The following CDH9 variants were observed in gnomAD, a reference collection of about 807,000 sequenced individuals.
CDH9 encodes cadherin 9.
A neutral mutation model predicts 70.9 loss-of-function variants in CDH9; 28 were observed. The observed-to-expected ratio is 0.40, with a 90% CI of 0.29 to 0.54. The LOEUF (loss-of-function observed/expected upper bound fraction) is 0.54. Ranked by LOEUF, CDH9 falls within the 20% of genes least tolerant of loss-of-function variation. The pLI is 0.59. For missense variants in CDH9, 874 were observed against 984.4 expected (o/e 0.89, Z 1.50); for synonymous variants, 409 against 343.1 (o/e 1.19, Z -2.12).
intron 3 of CDH9, among the ~76,000 whole-genome samples, chr5:26,910,013 T>C (rs1314769223): frequency 2.6e-5 from 4 of 152,104 alleles, no homozygotes; most frequent in African/African-American, 9.6e-5. Flanking sequence ...CCAGTTGGTC[T>C]TACATATATA....
intron 2 of CDH9, among the ~76,000 whole-genome samples, chr5:26,935,766 T>A (rs1334321109): frequency 6.6e-6 from 1 of 152,044 alleles, no homozygotes; most frequent in African/African-American, 2.4e-5. Context: ...ATCTAACCAA[T>A]GAAAAAGAAG....
intron 2 of CDH9, among the ~76,000 whole-genome samples, chr5:26,942,043 A>G (rs1310840077): frequency 6.6e-6 from 1 of 152,146 alleles, no homozygotes; most frequent in Non-Finnish European, 1.5e-5. Context: ...TTATAAAGAC[A>G]TACTCAGGAT....
chr5:26,945,144 T>C (rs1334683662), intron 2 of CDH9, among the ~76,000 whole-genome samples: 3 of 152,074 alleles, frequency 2.0e-5, no homozygotes, highest in Admixed American at 6.6e-5. Flanking sequence ...AGGAGTTGTA[T>C]AATTCTACTC....
At chr5:26,890,289 T>C (rs1740634595) in intron 8 of CDH9, 139 bp downstream of exon 8, 2 of 686,892 alleles carry the variant, frequency 2.9e-6, no homozygotes, top group African/African-American at 3.6e-5. Context: ...TTTAAAAATG[T>C]GTTGATATTC....
chr5:27,004,804 T>A (rs2112109373), intron 1 of CDH9, among the ~76,000 whole-genome samples: 1 of 152,226 alleles, frequency 6.6e-6, no homozygotes, highest in East Asian at 1.9e-4. Context: ...GCATTTAACA[T>A]CCAAGTGGAA....
intron 2 of CDH9, among the ~76,000 whole-genome samples, chr5:26,963,137 C>T (rs1050921197): frequency 2.6e-5 from 4 of 152,092 alleles, no homozygotes; most frequent in African/African-American, 4.8e-5. Context: ...TATTAAATCG[C>T]ATTAGAATTA....
chr5:26,910,697 C>A (rs1741036520), intron 3 of CDH9, among the ~76,000 whole-genome samples: 2 of 152,128 alleles, frequency 1.3e-5, no homozygotes, highest in African/African-American at 4.8e-5. Context: ...CTTTTGAGCA[C>A]TGTAGAAAAG....
intron 11 of CDH9, among the ~76,000 whole-genome samples, chr5:26,881,930 C>A (rs1740474703): frequency 6.6e-6 from 1 of 151,990 alleles, no homozygotes; most frequent in African/African-American, 2.4e-5. Flanking sequence ...GCAGTCTTTC[C>A]AAATGTGCAC....
chr5:26,907,962 G>A (rs79622909), intron 3 of CDH9, among the ~76,000 whole-genome samples: 4,136 of 152,068 alleles, frequency 0.027, 70 homozygotes, highest in African/African-American at 0.034. Flanking sequence ...CAAATGTTGC[G>A]TGTATATGTG....
At chr5:26,929,502 A>G (rs901729328) in intron 2 of CDH9, among the ~76,000 whole-genome samples, 18 of 152,170 alleles carry the variant, frequency 1.2e-4, no homozygotes, top group Non-Finnish European at 2.6e-4. Context: ...CATAGCCAAG[A>G]TAAAGGAAAA....
chr5:26,906,212 AT>A, intron 4 of CDH9, 86 bp from the exon 5 acceptor site: 1 of 1,063,800 alleles, frequency 9.4e-7, no homozygotes, highest in Non-Finnish European at 1.4e-6. Flanking sequence ...ACAAAAGTTG[AT>A]TATAACAAAC....
intron 1 of CDH9, among the ~76,000 whole-genome samples, chr5:26,995,555 AT>A (rs1742651422): frequency 6.6e-6 from 1 of 152,036 alleles, no homozygotes; most frequent in African/African-American, 2.4e-5. Flanking sequence ...TTTATTTTTC[AT>A]TTAGAGAACA....
chr5:26,974,545 T>C (rs894557882), intron 2 of CDH9, among the ~76,000 whole-genome samples: 1 of 152,188 alleles, frequency 6.6e-6, no homozygotes, highest in African/African-American at 2.4e-5. Context: ...TGCCAGGCAC[T>C]GAACTGGCTG....
chr5:26,906,644 T>G (rs1479942777), intron 4 of CDH9, 75 bp downstream of exon 4: 1 of 1,519,260 alleles, frequency 6.6e-7, no homozygotes, highest in Non-Finnish European at 8.9e-7. Context: ...TTTAAAATAT[T>G]TTAAAAATCT....
chr5:27,011,082 G>A (rs926931369), intron 1 of CDH9, among the ~76,000 whole-genome samples: 6 of 151,984 alleles, frequency 3.9e-5, no homozygotes, highest in Non-Finnish European at 7.4e-5. Flanking sequence ...AGAATTCCAC[G>A]ATTATTTCTA....
At chr5:27,004,554 T>C (rs969721574) in intron 1 of CDH9, among the ~76,000 whole-genome samples, 1 of 152,048 alleles carries the variant, frequency 6.6e-6, no homozygotes, top group Admixed American at 6.6e-5. Context: ...GAGATTGAAA[T>C]ATCCTGGTCA....
chr5:26,929,021 G>T (rs114288965), intron 2 of CDH9, among the ~76,000 whole-genome samples: 1 of 151,818 alleles, frequency 6.6e-6, no homozygotes, highest in Non-Finnish European at 1.5e-5. Flanking sequence ...AAGCATCTGT[G>T]CAGCAAAAGA....
chr5:26,969,599 C>T (rs572401996), intron 2 of CDH9, among the ~76,000 whole-genome samples: 1 of 152,042 alleles, frequency 6.6e-6, no homozygotes, highest in Non-Finnish European at 1.5e-5. Flanking sequence ...TTAATATGTT[C>T]CTGCTCTCAA....
Position 26,890,099 on chromosome 5 carries a change from T to C in CDH9, c.1391-142A>G, listed in dbSNP as rs1740631071. The C allele has an allele frequency of 9.4e-6, 7 of 742,572 alleles. No homozygotes were observed. The South Asian group carries it at 1.0e-4, about 11-fold the overall frequency. 46.0% of individuals were successfully genotyped at this position (742,572 alleles called of 1,614,324 possible). ...CTGCTGATGAATATCTCAGCTCTCTTACATGGTCCAAAAGAAAAGCACAAT... is the reference window on the plus strand; with the variant it reads ...CTGCTGATGAATATCTCAGCTCTCTCACATGGTCCAAAAGAAAAGCACAAT... On this transcript the variant is annotated intron_variant, in intron 8 of 11. Transcript: ENST00000231021.
Sources: gnomAD v4.1 joint callset for allele counts (sites outside exome capture counted in the v4.1 genomes callset) on GRCh38, gnomAD v4.1.1 for gene constraint, MANE v1.5 for transcripts, NCBI Gene and HGNC (gene_info 2026-07-23, HGNC 2026-07-21) for gene names.